The following SV2B variants were observed in gnomAD, a reference collection of about 807,000 sequenced individuals.
SV2B encodes the protein synaptic vesicle glycoprotein 2B.
In SV2B, 41 loss-of-function variants were observed where a neutral mutation model predicts 73.9. The observed-to-expected ratio is 0.56, with a 90% CI of 0.43 to 0.72. The LOEUF is 0.72. Among genes scored for constraint, SV2B ranks in the 30% least tolerant of loss-of-function variants. The pLI is 0.00. For synonymous variants in SV2B, 314 were observed against 314.2 expected (o/e 1.00, Z 0.01); for missense variants, 764 against 857.8 (o/e 0.89, Z 1.37).
chr15:91,189,944 C>A (rs571800255), intron 1 of SV2B, among the ~76,000 whole-genome samples: 4 of 151,912 alleles, frequency 2.6e-5, no homozygotes, highest in Admixed American at 1.3e-4. Context: ...GCTGAGATTG[C>A]GCCACTGCAC....
At chr15:91,168,211 G>T (rs2043983696) in intron 1 of SV2B, among the ~76,000 whole-genome samples, 1 of 151,222 alleles carries the variant, frequency 6.6e-6, no homozygotes, top group Non-Finnish European at 1.5e-5. Flanking sequence ...CCTTTATCTT[G>T]GTTTTCTGGT....
intron 1 of SV2B, among the ~76,000 whole-genome samples, chr15:91,215,966 A>T (rs1348471736): frequency 1.3e-5 from 2 of 152,224 alleles, no homozygotes; most frequent in Non-Finnish European, 2.9e-5. Context: ...CCAGCAAAAA[A>T]ATTCGCAGGG....
At position 91,196,423 on chromosome 15, in the gene SV2B, G is replaced by A. The variant is rs569716332; in HGVS notation, c.-391-29450G>A. On this transcript the variant is annotated intron_variant, in intron 1 of 12. Coordinates refer to ENST00000394232, the MANE Select transcript of SV2B (RefSeq NM_001323032.3). ...TACATGGGTCCTGGCCAAGGCCTTGGAGAGGAAGTGACATCTGAATTAGAT... is the reference window on the plus strand; with the variant it reads ...TACATGGGTCCTGGCCAAGGCCTTGAAGAGGAAGTGACATCTGAATTAGAT... Among the ~76,000 whole-genome samples, 106 of 152,254 alleles carry A rather than the reference G, an allele frequency of 7.0e-4. 2 individuals carry two copies. The highest frequency in any genetic ancestry group is 6.9e-3 in the Admixed American group (106 of 15,290).
In SV2B at chr15:91,219,198, C is replaced by T. The variant is rs550352799; in HGVS notation, c.-391-6675C>T. 6.6e-5 allele frequency among the ~76,000 whole-genome samples: 10 copies of T among 152,296 alleles called. No homozygotes were observed. In the East Asian group the frequency reaches 1.9e-3, roughly 29 times the overall value. On this transcript the variant is annotated intron_variant, in intron 1 of 12. Transcript: ENST00000394232. ...TCCTGGTCTCAGGTGATCCACCCAA[C>T]TTGGCCTCCCAAAGTGCTGAGAGTA...
rs1031222929 is a variant in SV2B at position 91,128,225 on chromosome 15, C to G, written c.-392+27862C>G. Among the ~76,000 whole-genome samples the G allele has an allele frequency of 6.6e-6, 1 of 152,174 alleles. No homozygotes were observed. The highest frequency in any genetic ancestry group is 6.5e-5 in the Admixed American group (1 of 15,290). Reference sequence around the variant, plus strand: ...TCCTGGGAGCTGTTTTCACCCTCTTCCACCAGTGAGTCATCCGCAGAGGCT... The same window carrying G: ...TCCTGGGAGCTGTTTTCACCCTCTTGCACCAGTGAGTCATCCGCAGAGGCT... On this transcript the variant is annotated intron_variant, in intron 1 of 12. Transcript: ENST00000394232. The surrounding 1 kb of genome is among the most constrained non-coding windows in gnomAD (Gnocchi z 4.2).
rs139556726 is a variant in SV2B at position 91,141,576 on chromosome 15, G to A, written c.-392+41213G>A. Among the ~76,000 whole-genome samples the A allele has an allele frequency of 6.6e-6, 1 of 152,132 alleles. No individual in the cohort carries two copies. Among genetic ancestry groups the A allele is most frequent in the South Asian group, 2.1e-4 (1 of 4,830 alleles). On this transcript the variant is annotated intron_variant, in intron 1 of 12. Transcript: ENST00000394232. This position sits in a 1 kb window ranked among gnomAD's most constrained non-coding sequence, Gnocchi z 4.6. ...CTTTGAATGTCTAAAGAGTGGTAAG[G>A]GTAATATCTACTTGAGAGGGCTCTT... is the stretch of plus-strand genomic sequence containing the variant.
Position 91,220,305 on chromosome 15 carries a change from G to A in SV2B, c.-391-5568G>A, listed in dbSNP as rs1052407143. Among the ~76,000 whole-genome samples the A allele has an allele frequency of 1.3e-5, 2 of 152,214 alleles. No individual in the cohort carries two copies. Among genetic ancestry groups the A allele is most frequent in the African/African-American group, 4.8e-5 (2 of 41,472 alleles). ...GTTGATTAGAGCTATTCTAATGGAT[G>A]TGTAGTGATATCTTACTGTGGGGTC... is the stretch of plus-strand genomic sequence containing the variant. On this transcript the variant is annotated intron_variant, in intron 1 of 12. Coordinates refer to ENST00000394232, the MANE Select transcript of SV2B (RefSeq NM_001323032.3). The surrounding 1 kb of genome is among the most constrained non-coding windows in gnomAD (Gnocchi z 4.1).
chr15:91,202,567 T>C (rs910481112), intron 1 of SV2B, among the ~76,000 whole-genome samples: 7 of 152,214 alleles, frequency 4.6e-5, no homozygotes, highest in Non-Finnish European at 1.5e-5. Context: ...TAAGAGTAAA[T>C]ACCTATAAAA....
At chr15:91,271,476 A>G (rs561655205) in intron 9 of SV2B, among the ~76,000 whole-genome samples, 31 of 152,302 alleles carry the variant, frequency 2.0e-4, no homozygotes, top group Non-Finnish European at 4.1e-4. Flanking sequence ...CCATGTTTCT[A>G]TGCTTCAAAT....
chr15:91,283,876 A>G lies in SV2B; in HGVS notation c.1508-145A>G. On this transcript the variant is annotated intron_variant, in intron 10 of 12. Coordinates refer to ENST00000394232, the MANE Select transcript of SV2B (RefSeq NM_001323032.3). This position sits in a 1 kb window ranked among gnomAD's most constrained non-coding sequence, Gnocchi z 4.3. ...ATCCATACCTTGATGACATGGCCAC[A>G]TATTACCTTGACTTTGAGGCTGTCT... The G allele has an allele frequency of 1.2e-6, 1 of 806,966 alleles. No individual in the cohort carries two copies. The highest frequency in any genetic ancestry group is 1.7e-5 in the African/African-American group (1 of 59,454). The allele number at this position is 806,966 out of a possible 1,614,324, so 50.0% of individuals were successfully genotyped here.
chr15:91,162,590 C>T (rs909362730), intron 1 of SV2B, among the ~76,000 whole-genome samples: 5 of 152,136 alleles, frequency 3.3e-5, no homozygotes, highest in Admixed American at 3.3e-4. Flanking sequence ...GGATTCTCTG[C>T]TCAGGGCATC....
At chr15:91,270,461 T>C (rs2048254820) in intron 9 of SV2B, among the ~76,000 whole-genome samples, 1 of 152,212 alleles carries the variant, frequency 6.6e-6, no homozygotes, top group East Asian at 1.9e-4. Flanking sequence ...CATAGAAATA[T>C]CTATCTCCCA....
chr15:91,241,323 A>C lies in SV2B; in HGVS notation c.452-10496A>C, dbSNP rs192105740. ...TGCTGTGTTCCCCACCCCTGGTTGC[A>C]TCCGACTTTTCCTCCATCTGTCCCT... is the stretch of plus-strand genomic sequence containing the variant. On this transcript the variant is annotated intron_variant, in intron 2 of 12. Transcript: ENST00000394232. The surrounding 1 kb of genome is among the most constrained non-coding windows in gnomAD (Gnocchi z 4.8). Among the ~76,000 whole-genome samples the C allele has an allele frequency of 2.4e-3, 365 of 152,244 alleles. 3 individuals are homozygous for C. The highest frequency in any genetic ancestry group is 8.5e-3 in the African/African-American group (353 of 41,554).
At chr15:91,171,985 A>G (rs897443854) in intron 1 of SV2B, among the ~76,000 whole-genome samples, 21 of 152,284 alleles carry the variant, frequency 1.4e-4, no homozygotes, top group African/African-American at 4.6e-4. Flanking sequence ...AGTGATAAGC[A>G]GATTTTTGGG....
At chr15:91,235,064 C>A (rs1181089875) in intron 2 of SV2B, among the ~76,000 whole-genome samples, 2 of 152,128 alleles carry the variant, frequency 1.3e-5, no homozygotes, top group Admixed American at 6.6e-5. Context: ...ACATCCTGAG[C>A]AACTAGCAGA....
rs1454084383 is a variant in SV2B, at chr15:91,122,802, A to C, written c.-392+22439A>C. ...TCTCACTGATAAACGGAATCTAAAA[A>C]AGTTGAGCTCATCGAAGTAGAGAGT... On this transcript the variant is annotated intron_variant, in intron 1 of 12. Coordinates refer to ENST00000394232, the MANE Select transcript of SV2B (RefSeq NM_001323032.3). The surrounding 1 kb of genome is among the most constrained non-coding windows in gnomAD (Gnocchi z 4.3). 6.6e-6 allele frequency among the ~76,000 whole-genome samples: 1 copy of C among 152,188 alleles called. No homozygotes were observed. Among genetic ancestry groups the C allele is most frequent in the Non-Finnish European group, 1.5e-5 (1 of 68,036 alleles).
At position 91,226,461 on chromosome 15, in the gene SV2B, G is replaced by A; in HGVS notation, c.198G>A (p.Met66Ile). ...ATGTCAAGGCCAAGCAGGCCAAGAT[G>A]GCGCCCTCCAGAATGGACAGCCTTC... The part of the protein sequence containing the change: ...PDDVKAKQAK[M>I]APSRMDSLRG... Residue 66 changes from methionine to isoleucine, a missense_variant, in exon 2 of 13, where the codon ATG (methionine) becomes ATA (isoleucine). Transcript: ENST00000394232. The A allele has an allele frequency of 6.2e-7, 1 of 1,614,182 alleles. No homozygotes were observed. The highest frequency in any genetic ancestry group is 8.5e-7 in the Non-Finnish European group (1 of 1,180,014).
intron 1 of SV2B, among the ~76,000 whole-genome samples, chr15:91,175,851 T>A (rs1431785384): frequency 6.6e-6 from 1 of 151,552 alleles, no homozygotes; most frequent in Non-Finnish European, 1.5e-5. Context: ...TTTTTTTTGT[T>A]CCCATATATG....
At chr15:91,159,627 C>T (rs528486991) in intron 1 of SV2B, among the ~76,000 whole-genome samples, 18 of 152,102 alleles carry the variant, frequency 1.2e-4, no homozygotes, top group African/African-American at 3.9e-4. Flanking sequence ...GAAGACATTC[C>T]CATTCAAGTT....
Sources: allele counts gnomAD v4.1 joint callset (sites outside exome capture counted in the v4.1 genomes callset), GRCh38; gene constraint gnomAD v4.1.1; non-coding constraint Gnocchi (gnomAD v3.1); transcripts MANE v1.5; gene names NCBI Gene and HGNC (gene_info 2026-07-23, HGNC 2026-07-21).